The following USP24 variants were observed in gnomAD, a reference collection of about 807,000 sequenced individuals.
USP24 encodes the protein ubiquitin specific peptidase 24.
In USP24, 97 loss-of-function variants were observed where a neutral mutation model predicts 361.6. The ratio of observed to expected loss-of-function variants is 0.27; its 90% CI spans 0.23 to 0.32. USP24 has a LOEUF of 0.32. Ranked by LOEUF, USP24 falls within the 10% of genes least tolerant of loss-of-function variation. The pLI is 1.00. For missense variants in USP24, 2,353 were observed against 3,165.6 expected, an observed-to-expected ratio of 0.74 and a Z score of 6.16; for synonymous variants, 1,098 against 1,124.6, an observed-to-expected ratio of 0.98 and a Z score of 0.47.
In USP24 at chr1:55,182,410, T is replaced by C. The variant is rs74493922; in HGVS notation, c.325-4278A>G. On this transcript the variant is annotated intron_variant, in intron 1 of 67. Coordinates refer to ENST00000294383, the MANE Select transcript of USP24 (RefSeq NM_015306.3). The stretch of plus-strand genomic sequence containing the variant: ...CCAACTGTAAGAAAATAAGTTTCTG[T>C]AGTTTAAGCCACCCAGTCTGTGGTA... 1.6e-3 allele frequency among the ~76,000 whole-genome samples: 247 copies of C among 152,300 alleles called. 1 individual carries two copies. The highest frequency in any genetic ancestry group is 3.4e-3 in the Middle Eastern group (1 of 294).
At chr1:55,115,029 G>T (rs1570441609) in intron 38 of USP24, among the ~76,000 whole-genome samples, 1 of 150,938 alleles carries the variant, frequency 6.6e-6, no homozygotes, top group Non-Finnish European at 1.5e-5. Flanking sequence ...ATTCTAAAAA[G>T]AACTTAAACA....
intron 8 of USP24, among the ~76,000 whole-genome samples, chr1:55,160,566 T>C (rs1276747992): frequency 6.6e-6 from 1 of 152,236 alleles, no homozygotes; most frequent in South Asian, 2.1e-4. Context: ...ACAACTGTTA[T>C]GTAAGTAACA....
intron 1 of USP24, among the ~76,000 whole-genome samples, chr1:55,196,533 T>C (rs927355339): frequency 1.3e-5 from 2 of 152,156 alleles, no homozygotes; most frequent in African/African-American, 2.4e-5. Context: ...AATAGAGTTA[T>C]ATTACCCCTG....
chr1:55,181,051 A>T (rs919993836), intron 1 of USP24, among the ~76,000 whole-genome samples: 11 of 147,372 alleles, frequency 7.5e-5, no homozygotes, highest in Non-Finnish European at 1.2e-4. Flanking sequence ...ACTAGTTTGT[A>T]TTTTTTTTTT....
intron 16 of USP24, 118 bp from the exon 17 acceptor site, chr1:55,148,688 C>G: frequency 1.4e-6 from 1 of 704,746 alleles, no homozygotes; most frequent in Non-Finnish European, 2.3e-6. Context: ...TTATTTTACT[C>G]TTTATATTGA....
At chr1:55,159,533 G>C in intron 9 of USP24, 78 bp downstream of exon 9, 1 of 1,238,926 alleles carries the variant, frequency 8.1e-7, no homozygotes, top group East Asian at 2.5e-5. Context: ...AGCATGGTGT[G>C]TGAACCCTGC....
Position 55,157,243 on chromosome 1 carries a change from G to C in USP24, c.1342+13C>G, listed in dbSNP as rs749689082. 1.9e-6 allele frequency: 3 copies of C among 1,560,944 alleles called. No individual in the cohort carries two copies. Among genetic ancestry groups the C allele is most frequent in the Admixed American group, 2.0e-5 (1 of 51,144 alleles). Reference sequence around the variant, plus strand: ...TATGTGTTAGGTAATTTTTATTTTTGAAAGCAACTTACCTTCCAGTGCAAT... The same window carrying C: ...TATGTGTTAGGTAATTTTTATTTTTCAAAGCAACTTACCTTCCAGTGCAAT... On this transcript the variant is annotated intron_variant, in intron 11 of 67. Transcript: ENST00000294383.
intron 7 of USP24, 68 bp downstream of exon 7, chr1:55,165,817 C>T: frequency 7.3e-7 from 1 of 1,362,600 alleles, no homozygotes; most frequent in Non-Finnish European, 1.0e-6. Context: ...CAGACCATAT[C>T]CTCTGGCTGT....
chr1:55,171,574 A>G lies in USP24; in HGVS notation c.807T>C (p.Pro269=), dbSNP rs1299174871. ...TGTTTACCTTTTGGAAAGTCGATAC[A>G]GGTGAAACAGCAAACATATTTCCCT... The part of the protein sequence containing the change: ...FGEGNMFAVS[P]VSTFQKEPHG... The change falls in exon 5 of 68, where the codon CCT becomes CCC. Residue 269 remains proline (P), a synonymous_variant. Transcript: ENST00000294383. 3.1e-6 allele frequency: 5 copies of G among 1,610,898 alleles called. No individual in the cohort carries two copies. The highest frequency in any genetic ancestry group is 4.2e-6 in the Non-Finnish European group (5 of 1,178,382).
intron 42 of USP24, among the ~76,000 whole-genome samples, chr1:55,103,250 C>T (rs1010035973): frequency 2.0e-5 from 3 of 152,112 alleles, no homozygotes; most frequent in African/African-American, 7.2e-5. Flanking sequence ...TTTTTATGGC[C>T]CTATTTTAAG....
intron 1 of USP24, among the ~76,000 whole-genome samples, chr1:55,196,104 G>A (rs967672472): frequency 3.3e-5 from 5 of 151,828 alleles, no homozygotes; most frequent in African/African-American, 9.7e-5. Context: ...TCATCTTACC[G>A]GACCCATCAG....
At chr1:55,165,811 C>A in intron 7 of USP24, 74 bp downstream of exon 7, 1 of 1,315,020 alleles carries the variant, frequency 7.6e-7, no homozygotes, top group Admixed American at 2.1e-5. Flanking sequence ...CATGTCCAGA[C>A]CATATCCTCT....
At chr1:55,103,181 T>TA (rs1405419779) in intron 42 of USP24, among the ~76,000 whole-genome samples, 1 of 152,228 alleles carries the variant, frequency 6.6e-6, no homozygotes, top group Admixed American at 6.5e-5. Context: ...GCTGTGTTCA[T>TA]ATTCTTCTCA....
At chr1:55,110,300 A>T in intron 38 of USP24, 54 bp from the exon 39 acceptor site, 1 of 1,416,804 alleles carries the variant, frequency 7.1e-7, no homozygotes, top group Non-Finnish European at 9.4e-7. Flanking sequence ...GAAAATAAAA[A>T]GCATTTTCCT....
chr1:55,149,231 G>A (rs1252748602), intron 16 of USP24, among the ~76,000 whole-genome samples: 2 of 152,130 alleles, frequency 1.3e-5, no homozygotes, highest in Admixed American at 6.6e-5. Context: ...AAAGTCTACT[G>A]TTTGTGTAAT....
intron 1 of USP24, among the ~76,000 whole-genome samples, chr1:55,179,741 A>G (rs1643908094): frequency 6.6e-6 from 1 of 151,974 alleles, no homozygotes. Flanking sequence ...TGGTTCTCCC[A>G]TCCCCATCCC....
At chr1:55,178,315 T>C (rs1218792259) in intron 1 of USP24, among the ~76,000 whole-genome samples, 183 bp from the exon 2 acceptor site, 1 of 152,146 alleles carries the variant, frequency 6.6e-6, no homozygotes, top group African/African-American at 2.4e-5. Flanking sequence ...TTCTCAACTT[T>C]TATCATTTTG....
At chr1:55,089,041 T>G (rs1645315773) in intron 55 of USP24, among the ~76,000 whole-genome samples, 1 of 151,734 alleles carries the variant, frequency 6.6e-6, no homozygotes, top group Non-Finnish European at 1.5e-5. Context: ...GCCTCCCAAG[T>G]AGCTATAGGT....
chr1:55,145,957 C>T (rs1194853418), intron 20 of USP24, 41 bp downstream of exon 20: 1 of 1,384,810 alleles, frequency 7.2e-7, no homozygotes, highest in Non-Finnish European at 1.0e-6. Flanking sequence ...ACACTTCTTA[C>T]TTAAAAGTAC....
Sources: allele counts gnomAD v4.1 joint callset (sites outside exome capture counted in the v4.1 genomes callset), GRCh38; gene constraint gnomAD v4.1.1; transcripts MANE v1.5; gene names NCBI Gene and HGNC (gene_info 2026-07-23, HGNC 2026-07-21).